DIP2C: variants seen among roughly 807,000 people sequenced by gnomAD.
DIP2C encodes the protein disco-interacting protein 2 homolog C.
Under a neutral mutation model 192.4 loss-of-function variants are expected in DIP2C, and 33 were observed. The ratio of observed to expected loss-of-function variants is 0.17; its 90% confidence interval spans 0.13 to 0.23. The LOEUF (loss-of-function observed/expected upper bound fraction) is 0.23. Among genes scored for constraint, DIP2C ranks in the 10% least tolerant of loss-of-function variants. The pLI is 1.00. For synonymous variants in DIP2C, 979 were observed against 864.1 expected, an observed-to-expected ratio of 1.13 and a Z score of -2.33; for missense variants, 1,537 against 2,110.1, an observed-to-expected ratio of 0.73 and a Z score of 5.32.
intron 1 of DIP2C, among the ~76,000 whole-genome samples, chr10:489,391 A>T (rs1392234548): frequency 6.6e-6 from 1 of 152,264 alleles, no homozygotes; most frequent in Non-Finnish European, 1.5e-5. Context: ...TGATGCATAT[A>T]GACAGACGAC....
At chr10:548,224 G>GA (rs1848403634) in intron 1 of DIP2C, among the ~76,000 whole-genome samples, 2 of 62,776 alleles carry the variant, frequency 3.2e-5, no homozygotes, top group South Asian at 1.2e-3. Flanking sequence ...CCCCCCACAG[G>GA]AAAGCCCTGG....
At chr10:416,071 G>A (rs938862701) in intron 6 of DIP2C, among the ~76,000 whole-genome samples, 183 bp from the exon 7 acceptor site, 11 of 151,456 alleles carry the variant, frequency 7.3e-5, no homozygotes, top group African/African-American at 1.2e-4. Flanking sequence ...GCAGGAGACC[G>A]GACAGAGATA....
intron 1 of DIP2C, among the ~76,000 whole-genome samples, chr10:507,396 A>G (rs762263662): frequency 6.6e-5 from 10 of 151,128 alleles, no homozygotes; most frequent in Non-Finnish European, 1.3e-4. Flanking sequence ...CCTAGTCACC[A>G]GCTGTGCCCA....
At chr10:583,459 T>C (rs1850790845) in intron 1 of DIP2C, among the ~76,000 whole-genome samples, 1 of 152,226 alleles carries the variant, frequency 6.6e-6, no homozygotes, top group African/African-American at 2.4e-5. Context: ...TCCCTGGAAA[T>C]GGCATTCTCC....
chr10:284,506 C>G (rs1319946166), intron 34 of DIP2C, among the ~76,000 whole-genome samples: 1 of 152,168 alleles, frequency 6.6e-6, no homozygotes, highest in Non-Finnish European at 1.5e-5. Context: ...CAGAGAAGGA[C>G]AAATACTGCA....
intron 28 of DIP2C, among the ~76,000 whole-genome samples, chr10:342,167 T>C (rs541444213): frequency 8.2e-4 from 125 of 151,846 alleles, no homozygotes; most frequent in Middle Eastern, 6.8e-3. Context: ...CTCTCTCTTT[T>C]TTTTTTTTTG....
intron 1 of DIP2C, among the ~76,000 whole-genome samples, chr10:515,737 T>A (rs138183026): frequency 1.3e-5 from 2 of 151,424 alleles, no homozygotes; most frequent in Non-Finnish European, 2.9e-5. Flanking sequence ...AAAATAAAAA[T>A]AAAAATAAGA....
intron 29 of DIP2C, among the ~76,000 whole-genome samples, chr10:336,565 T>G (rs932105461): frequency 6.6e-6 from 1 of 152,224 alleles, no homozygotes; most frequent in African/African-American, 2.4e-5. Context: ...ACTTAATACT[T>G]TAACCATGAT....
intron 5 of DIP2C, among the ~76,000 whole-genome samples, chr10:422,085 A>AG (rs1475523405): frequency 6.6e-6 from 1 of 152,162 alleles, no homozygotes; most frequent in Non-Finnish European, 1.5e-5. Context: ...AGATACCGGG[A>AG]GGGTCTGAGC....
chr10:551,315 G>A (rs958028661), intron 1 of DIP2C, among the ~76,000 whole-genome samples: 2 of 152,206 alleles, frequency 1.3e-5, no homozygotes, highest in African/African-American at 2.4e-5. Flanking sequence ...TACAGCAGGT[G>A]CCTGAGACAC....
At chr10:545,908 T>C (rs1228464042) in intron 1 of DIP2C, among the ~76,000 whole-genome samples, 1 of 152,202 alleles carries the variant, frequency 6.6e-6, no homozygotes, top group African/African-American at 2.4e-5. Context: ...GGACAATTTG[T>C]TGTCGGTTTA....
At chr10:525,157 C>T (rs1454583048) in intron 1 of DIP2C, among the ~76,000 whole-genome samples, 1 of 152,104 alleles carries the variant, frequency 6.6e-6, no homozygotes, top group Non-Finnish European at 1.5e-5. Flanking sequence ...GCCCTTAAAA[C>T]CCACAGCATA....
intron 17 of DIP2C, among the ~76,000 whole-genome samples, chr10:370,724 G>A (rs1159313986): frequency 6.6e-6 from 1 of 152,212 alleles, no homozygotes; most frequent in Non-Finnish European, 1.5e-5. Flanking sequence ...GGTACACATT[G>A]TTTCTGTAAT....
At chr10:430,609 TCTCC>T (rs1966847791) in intron 4 of DIP2C, 1 of 152,250 alleles carries the variant, frequency 6.6e-6, no homozygotes, top group African/African-American at 2.4e-5. Context: ...GCAAACATCC[TCTCC>T]CTGTCTGTGG....
At position 344,901 on chromosome 10, in the gene DIP2C, G is replaced by A. The variant is rs1307532562; in HGVS notation, c.3361C>T (p.Arg1121Trp). 11 of 1,606,728 alleles carry A rather than the reference G, an allele frequency of 6.8e-6. No homozygotes were observed. The highest frequency in any genetic ancestry group is 9.3e-6 in the Non-Finnish European group (11 of 1,177,526). The part of the protein sequence containing the change: ...ILDTDDLPKK[R>W]PAQICKPCNP... ...CAAGGTTTGCAGATCTGGGCAGGCCGCTTCTTTGGCAAATCATCTGGAGAG... is the reference window on the plus strand; with the variant it reads ...CAAGGTTTGCAGATCTGGGCAGGCCACTTCTTTGGCAAATCATCTGGAGAG... Residue 1121 changes from arginine to tryptophan, a missense_variant, in exon 28 of 37, where the codon CGG (arginine) becomes TGG (tryptophan). Arg to Trp is a moderately radical substitution (Grantham distance 101, BLOSUM62 -3). This residue lies in a region of DIP2C where 46 missense variants were observed against 28.9 expected (regional missense o/e 1.59). Coordinates refer to ENST00000280886, the MANE Select transcript of DIP2C (RefSeq NM_014974.3).
At chr10:290,774 C>T (rs1284019676) in intron 32 of DIP2C, among the ~76,000 whole-genome samples, 1 of 152,202 alleles carries the variant, frequency 6.6e-6, no homozygotes, top group Non-Finnish European at 1.5e-5. Flanking sequence ...GGTGACCAGC[C>T]AAGGAGTGAA....
intron 32 of DIP2C, among the ~76,000 whole-genome samples, chr10:304,566 C>T (rs1956215869): frequency 6.6e-6 from 1 of 151,390 alleles, no homozygotes; most frequent in Non-Finnish European, 1.5e-5. Flanking sequence ...CACACACACA[C>T]ACACACACTT....
intron 29 of DIP2C, among the ~76,000 whole-genome samples, chr10:332,534 A>G (rs959822654): frequency 6.6e-6 from 1 of 152,190 alleles, no homozygotes; most frequent in Non-Finnish European, 1.5e-5. Flanking sequence ...GTATTAGCCA[A>G]AATTGATTTT....
chr10:551,591 G>A (rs1161397924), intron 1 of DIP2C, among the ~76,000 whole-genome samples: 1 of 152,220 alleles, frequency 6.6e-6, no homozygotes, highest in East Asian at 1.9e-4. Context: ...ACAGCAGCAT[G>A]TCCATCTTCC....
Sources: gnomAD v4.1 joint callset for allele counts (sites outside exome capture counted in the v4.1 genomes callset) on GRCh38, gnomAD v4.1.1 for gene constraint, gnomAD v4.1.1 regional missense constraint, MANE v1.5 for transcripts, NCBI Gene and HGNC (gene_info 2026-07-23, HGNC 2026-07-21) for gene names.